The following RAPSN variants were observed in gnomAD, a reference collection of about 807,000 sequenced individuals.
The protein encoded by RAPSN is 43 kDa receptor-associated protein of the synapse.
RAPSN carries 33 observed loss-of-function variants against 45.7 expected under a neutral mutation model. The ratio of observed to expected loss-of-function variants is 0.72; its 90% confidence interval spans 0.55 to 0.97. RAPSN has a LOEUF of 0.97. Among genes scored for constraint, RAPSN ranks in the 50% least tolerant of loss-of-function variants. The pLI, the probability that RAPSN is intolerant of heterozygous loss-of-function variation, is 0.00. For synonymous variants in RAPSN, 244 were observed against 233.6 expected, an observed-to-expected ratio of 1.04 and a Z score of -0.40; for missense variants, 519 against 559.4, an observed-to-expected ratio of 0.93 and a Z score of 0.73.
rs762105918 is a variant in RAPSN at position 47,441,186 on chromosome 11, C to T, written c.939G>A (p.Gln313=). Reference sequence around the variant, plus strand: ...TGTTCCCCACCTCCTCGGCCAGATCCTGGGCTCTCTCGATGGCATCCAGAG... The same window carrying T: ...TGTTCCCCACCTCCTCGGCCAGATCTTGGGCTCTCTCGATGGCATCCAGAG... ...DKALDAIERA[Q]DLAEEVGNKL... is the part of the protein sequence containing the mutation. Residue 313 remains glutamine (Q), a synonymous_variant, in exon 6 of 8, where the codon CAG becomes CAA. Transcript: ENST00000298854. 4 of 1,614,144 alleles carry T rather than the reference C, an allele frequency of 2.5e-6. No homozygotes were observed. Among genetic ancestry groups the T allele is most frequent in the Admixed American group, 3.3e-5 (2 of 60,022 alleles).
intron 3 of RAPSN, among the ~76,000 whole-genome samples, chr11:47,442,302 A>T (rs1175339384): frequency 6.6e-6 from 1 of 152,118 alleles, no homozygotes; most frequent in Non-Finnish European, 1.5e-5. Flanking sequence ...TGGGTTTGGG[A>T]TGAGGCTGGG....
intron 1 of RAPSN, 24 bp from the exon 2 acceptor site, chr11:47,448,174 G>A: frequency 2.5e-6 from 4 of 1,603,332 alleles, no homozygotes; most frequent in Non-Finnish European, 3.4e-6. Flanking sequence ...CGGTGGGCAG[G>A]TGGTGCTCAG....
At chr11:47,440,942 G>C (rs2076357147) in intron 6 of RAPSN, among the ~76,000 whole-genome samples, 1 of 152,104 alleles carries the variant, frequency 6.6e-6, no homozygotes, top group African/African-American at 2.4e-5. Context: ...AGCTTCTGAG[G>C]AATTCTGCTA....
Position 47,441,601 on chromosome 11 carries a change from C to T in RAPSN, c.912+10G>A. On this transcript the variant is annotated intron_variant, in intron 5 of 7. Coordinates refer to ENST00000298854, the MANE Select transcript of RAPSN (RefSeq NM_005055.5). ...GAGGGCTGGAGGCTGTGGGAAAGGC[C>T]CGACCTCACCTTGTCCAGCGCCTTC... 4.4e-6 allele frequency: 7 copies of T among 1,604,126 alleles called. No individual in the cohort carries two copies. Among genetic ancestry groups the T allele is most frequent in the Non-Finnish European group, 5.9e-6 (7 of 1,179,588 alleles).
chr11:47,439,647 C>T (rs1379862565), intron 6 of RAPSN, among the ~76,000 whole-genome samples: 1 of 150,710 alleles, frequency 6.6e-6, no homozygotes, highest in African/African-American at 2.4e-5. Context: ...AAATGCACAT[C>T]TGGAAGGCTT....
At chr11:47,444,015 G>A (rs1003096262) in intron 2 of RAPSN, among the ~76,000 whole-genome samples, 1 of 149,228 alleles carries the variant, frequency 6.7e-6, no homozygotes, top group Non-Finnish European at 1.5e-5. Context: ...TTCTCGTGAC[G>A]TCATTTCCCT....
Position 47,447,806 on chromosome 11 carries a change from G to A in RAPSN, c.531+6C>T. 6.2e-7 allele frequency: 1 copy of A among 1,608,536 alleles called. No homozygotes were observed. The highest frequency in any genetic ancestry group is 8.5e-7 in the Non-Finnish European group (1 of 1,177,872). ...CCACTGCTGTCCCCCTGGGGTGCAG[G>A]CCCACCTTGACCTGGGCATAGAAGC... is the stretch of plus-strand genomic sequence containing the variant. On this transcript the variant is annotated splice_donor_region_variant and intron_variant, in intron 2 of 7. Coordinates refer to ENST00000298854, the MANE Select transcript of RAPSN (RefSeq NM_005055.5).
rs1453738160 is a variant in RAPSN at position 47,437,854 on chromosome 11, C to G, written c.*121G>C. 7.7e-7 allele frequency: 1 copy of G among 1,300,976 alleles called. No homozygotes were observed. The highest frequency in any genetic ancestry group is 1.1e-6 in the Non-Finnish European group (1 of 924,034). The allele number at this position is 1,300,976 out of a possible 1,614,324, so 80.6% of individuals were successfully genotyped here. On this transcript the variant is annotated 3_prime_UTR_variant, in exon 8 of 8. Transcript: ENST00000298854. ...CCCAGGGGAGCAGCCCTGGGCAGGC[C>G]CCAAGGCCTTGGCTATGGTGAGGAC...
chr11:47,442,788 G>A lies in RAPSN; in HGVS notation c.558C>T (p.Pro186=), dbSNP rs773462623. ...VKDYEKALFF[P]CKAAELVNNY... is the part of the protein sequence containing the mutation. ...TGTTGACAAGCTCTGCCGCCTTGCA[G>A]GGGAAGAACAGGGCTTTCTCGTAGT... Residue 186 remains proline (P), a synonymous_variant, in exon 3 of 8, where the codon CCC becomes CCT. Transcript: ENST00000298854. 1 of 1,614,252 alleles carries A rather than the reference G, an allele frequency of 6.2e-7. No individual in the cohort carries two copies. Among genetic ancestry groups the A allele is most frequent in the East Asian group, 2.2e-5 (1 of 44,890 alleles).
chr11:47,447,160 C>G (rs187517680), intron 2 of RAPSN, among the ~76,000 whole-genome samples: 8 of 152,196 alleles, frequency 5.3e-5, no homozygotes, highest in African/African-American at 1.9e-4. Context: ...GCATGGCACA[C>G]CCTCTCTTCT....
intron 2 of RAPSN, among the ~76,000 whole-genome samples, chr11:47,444,109 T>C (rs1031638739): frequency 6.6e-6 from 1 of 151,986 alleles, no homozygotes; most frequent in Non-Finnish European, 1.5e-5. Flanking sequence ...AGCTCCAAGT[T>C]AACATGACCA....
chr11:47,446,680 C>T (rs1458095116), intron 2 of RAPSN, among the ~76,000 whole-genome samples: 2 of 152,108 alleles, frequency 1.3e-5, no homozygotes, highest in Admixed American at 6.6e-5. Flanking sequence ...CCAAGACGGG[C>T]GGATCCCTGA....
At chr11:47,446,742 T>C (rs866460519) in intron 2 of RAPSN, among the ~76,000 whole-genome samples, 3 of 152,172 alleles carry the variant, frequency 2.0e-5, no homozygotes, top group Middle Eastern at 3.4e-3. Context: ...CCATTTCTAC[T>C]AAAAACACAA....
At position 47,438,061 on chromosome 11, in the gene RAPSN, G is replaced by A. The variant is rs1317399150; in HGVS notation, c.1167-14C>T. 2 of 1,549,634 alleles carry A rather than the reference G, an allele frequency of 1.3e-6. No homozygotes were observed. Among genetic ancestry groups the A allele is most frequent in the Non-Finnish European group, 1.7e-6 (2 of 1,146,840 alleles). ...TTCTGCAGGCACCTGGGGAGGCAAA[G>A]GGCCCTGTCCACTCCCCTGAGGCCT... On this transcript the variant is annotated splice_polypyrimidine_tract_variant and intron_variant, in intron 7 of 7. Transcript: ENST00000298854.
chr11:47,442,873 AG>A lies in RAPSN; in HGVS notation c.532-60del, dbSNP rs1248537566. 3 of 1,607,148 alleles carry A rather than the reference AG, an allele frequency of 1.9e-6. No homozygotes were observed. In the Admixed American group the frequency reaches 5.0e-5, roughly 27 times the overall value. ...GAGTGGCAGAGGCTGCCCCAAGTCA[AG>A]GGCTCCTGGGCTAGGTTTCTCTAAC... On this transcript the variant is annotated intron_variant, in intron 2 of 7. Coordinates refer to ENST00000298854, the MANE Select transcript of RAPSN (RefSeq NM_005055.5).
At chr11:47,446,458 T>C (rs2076407492) in intron 2 of RAPSN, among the ~76,000 whole-genome samples, 1 of 152,164 alleles carries the variant, frequency 6.6e-6, no homozygotes, top group South Asian at 2.1e-4. Flanking sequence ...CTGGCTGTCA[T>C]CCTTGGTGAC....
At chr11:47,447,322 A>G (rs2076414910) in intron 2 of RAPSN, among the ~76,000 whole-genome samples, 1 of 152,080 alleles carries the variant, frequency 6.6e-6, no homozygotes, top group African/African-American at 2.4e-5. Flanking sequence ...TTCTTCTCCA[A>G]CTAGAATGCA....
intron 7 of RAPSN, 79 bp downstream of exon 7, chr11:47,438,653 C>G (rs1427797877): frequency 6.7e-7 from 1 of 1,498,952 alleles, no homozygotes; most frequent in South Asian, 1.2e-5. Context: ...AGTATTATTG[C>G]TGTGATTAAG....
intron 7 of RAPSN, 120 bp downstream of exon 7, chr11:47,438,612 C>A: frequency 7.9e-7 from 1 of 1,262,308 alleles, no homozygotes. Flanking sequence ...CGTGAGGCAC[C>A]ACGCCTGGCC....
Sources: allele counts gnomAD v4.1 joint callset (sites outside exome capture counted in the v4.1 genomes callset), GRCh38; gene constraint gnomAD v4.1.1; transcripts MANE v1.5; gene names NCBI Gene and HGNC (gene_info 2026-07-23, HGNC 2026-07-21).